The following MSRB2 variants were observed in gnomAD, a reference collection of about 807,000 sequenced individuals.
The protein encoded by MSRB2 is methionine-R-sulfoxide reductase B2, mitochondrial.
In MSRB2, 17 loss-of-function variants were observed where a neutral mutation model predicts 19.0. That is an observed-to-expected ratio of 0.89 (90% CI 0.61 to 1.34). MSRB2 has a LOEUF of 1.34. MSRB2 is among the 40% of genes most tolerant of loss of function. The pLI, the probability that MSRB2 is intolerant of heterozygous loss-of-function variation, is 0.00. For missense variants in MSRB2, 208 were observed against 237.6 expected (o/e 0.88, Z 0.82); for synonymous variants, 107 against 99.7 (o/e 1.07, Z -0.44).
intron 1 of MSRB2, among the ~76,000 whole-genome samples, chr10:23,101,107 C>A (rs1839921808): frequency 6.6e-6 from 1 of 152,144 alleles, no homozygotes; most frequent in Non-Finnish European, 1.5e-5. Flanking sequence ...GTACTCATCA[C>A]CCGAGCAGTG....
intron 1 of MSRB2, among the ~76,000 whole-genome samples, chr10:23,100,599 A>G (rs1322538112): frequency 6.6e-6 from 1 of 152,210 alleles, no homozygotes; most frequent in Non-Finnish European, 1.5e-5. Context: ...AAGCAAGCAC[A>G]TCTTACATGG....
At chr10:23,100,168 T>G (rs994926779) in intron 1 of MSRB2, among the ~76,000 whole-genome samples, 2 of 152,226 alleles carry the variant, frequency 1.3e-5, no homozygotes, top group Non-Finnish European at 2.9e-5. Context: ...GAGGGTGTTT[T>G]ATCATGATGC....
intron 1 of MSRB2, among the ~76,000 whole-genome samples, chr10:23,099,760 G>T (rs545000445): frequency 1.3e-5 from 2 of 152,308 alleles, no homozygotes; most frequent in Non-Finnish European, 2.9e-5. Context: ...GGAGAAGGTG[G>T]TGTCTGAAGA....
Position 23,120,739 on chromosome 10 carries a change from AG to A in MSRB2, c.445-17del. On this transcript the variant is annotated intron_variant, in intron 4 of 4. Transcript: ENST00000376510. ...CTTTGTTTGCATTTGGAGATGACAGAGGCTTCTGTCCTTTGCAGTGTGAAGC... is the reference window on the plus strand; with the variant it reads ...CTTTGTTTGCATTTGGAGATGACAGAGCTTCTGTCCTTTGCAGTGTGAAGC... 6.3e-7 allele frequency: 1 copy of A among 1,590,332 alleles called. No individual in the cohort carries two copies. The highest frequency in any genetic ancestry group is 8.6e-7 in the Non-Finnish European group (1 of 1,163,232).
At chr10:23,107,486 T>C (rs1385385781) in intron 2 of MSRB2, among the ~76,000 whole-genome samples, 2 of 152,228 alleles carry the variant, frequency 1.3e-5, no homozygotes, top group Non-Finnish European at 2.9e-5. Flanking sequence ...CATTTTTCTA[T>C]AATAAACAAC....
intron 1 of MSRB2, among the ~76,000 whole-genome samples, chr10:23,097,047 A>C (rs902238221): frequency 6.6e-6 from 1 of 152,236 alleles, no homozygotes; most frequent in African/African-American, 2.4e-5. Context: ...CTGGGAATCT[A>C]TTCGAAGGAA....
chr10:23,113,890 G>T (rs1010480585), intron 3 of MSRB2, among the ~76,000 whole-genome samples: 1 of 152,138 alleles, frequency 6.6e-6, no homozygotes, highest in African/African-American at 2.4e-5. Flanking sequence ...CTTGACTTTG[G>T]ACTTCTATCT....
At chr10:23,114,637 G>C (rs1309097733) in intron 3 of MSRB2, among the ~76,000 whole-genome samples, 1 of 152,220 alleles carries the variant, frequency 6.6e-6, no homozygotes, top group Non-Finnish European at 1.5e-5. Flanking sequence ...AGCAATGAAG[G>C]AGCCCTCTGG....
At position 23,120,793 on chromosome 10, in the gene MSRB2, A is replaced by C. The variant is rs1840173211; in HGVS notation, c.480A>C (p.Gly160=). ...EAHLGHVFPD[G]PGPNGQRFCI... The stretch of plus-strand genomic sequence containing the variant: ...ATCTAGGTCACGTGTTTCCTGATGG[A>C]CCTGGGCCCAATGGTCAGAGGTTTT... Residue 160 remains glycine, a synonymous_variant, in exon 5 of 5, where the codon GGA becomes GGC. Transcript: ENST00000376510. The C allele has an allele frequency of 6.2e-7, 1 of 1,614,022 alleles. No homozygotes were observed. The highest frequency in any genetic ancestry group is 1.3e-5 in the African/African-American group (1 of 74,902).
At chr10:23,117,633 CAG>C (rs1840126135) in intron 3 of MSRB2, among the ~76,000 whole-genome samples, 1 of 152,176 alleles carries the variant, frequency 6.6e-6, no homozygotes, top group Non-Finnish European at 1.5e-5. Flanking sequence ...TTTTTTGAGA[CAG>C]AGTCTCGCTC....
At chr10:23,109,347 C>T (rs1432137539) in intron 2 of MSRB2, among the ~76,000 whole-genome samples, 6 of 151,974 alleles carry the variant, frequency 3.9e-5, no homozygotes, top group Admixed American at 6.6e-5. Flanking sequence ...GTCAGGAGTT[C>T]GAGACCAGCC....
intron 1 of MSRB2, among the ~76,000 whole-genome samples, chr10:23,099,368 T>C (rs1564426915): frequency 6.6e-6 from 1 of 152,186 alleles, no homozygotes; most frequent in African/African-American, 2.4e-5. Context: ...AATTGGTGCT[T>C]GAACAAGAAC....
chr10:23,096,014 A>G (rs1839861052), intron 1 of MSRB2, among the ~76,000 whole-genome samples: 1 of 151,196 alleles, frequency 6.6e-6, no homozygotes, highest in African/African-American at 2.4e-5. Context: ...TGGGGGCATA[A>G]GTGGGGCTCG....
At chr10:23,106,429 T>G (rs551437033) in intron 2 of MSRB2, among the ~76,000 whole-genome samples, 1 of 152,296 alleles carries the variant, frequency 6.6e-6, no homozygotes, top group East Asian at 1.9e-4. Context: ...GAAAGTCAAG[T>G]ATCAATAGAA....
intron 3 of MSRB2, among the ~76,000 whole-genome samples, chr10:23,111,941 T>G (rs1359667078): frequency 6.6e-6 from 1 of 151,698 alleles, no homozygotes; most frequent in Non-Finnish European, 1.5e-5. Flanking sequence ...AATTTAAACT[T>G]AAATGTAATT....
At chr10:23,117,299 C>G (rs7904442) in intron 3 of MSRB2, among the ~76,000 whole-genome samples, 8 of 151,936 alleles carry the variant, frequency 5.3e-5, no homozygotes, top group South Asian at 2.1e-4. Flanking sequence ...CTGGGGGGGA[C>G]CTTTCTAGGG....
At position 23,119,313 on chromosome 10, in the gene MSRB2, A is replaced by G. The variant is rs1840153804; in HGVS notation, c.306A>G (p.Lys102=). ...CCDSPLFSSE[K]KYCSGTGWPS... The stretch of plus-strand genomic sequence containing the variant: ...TTTATGTCTTCCACAGTTCTGAGAA[A>G]AAGTACTGCTCTGGCACTGGGTGGC... Residue 102 remains lysine (K), a synonymous_variant, in exon 4 of 5, where the codon AAA becomes AAG. Coordinates refer to ENST00000376510, the MANE Select transcript of MSRB2 (RefSeq NM_012228.4). 1 of 1,613,968 alleles carries G rather than the reference A, an allele frequency of 6.2e-7. No homozygotes were observed. The highest frequency in any genetic ancestry group is 1.3e-5 in the African/African-American group (1 of 75,034).
chr10:23,106,631 G>C (rs558629715), intron 2 of MSRB2, among the ~76,000 whole-genome samples: 1 of 152,304 alleles, frequency 6.6e-6, no homozygotes, highest in Admixed American at 6.5e-5. Flanking sequence ...TCTCTCTGTG[G>C]GGCTGCAGGA....
intron 3 of MSRB2, among the ~76,000 whole-genome samples, chr10:23,110,827 A>C (rs45519331): frequency 3.9e-5 from 6 of 152,282 alleles, no homozygotes; most frequent in Non-Finnish European, 8.8e-5. Context: ...AAGTAAACTT[A>C]TTTGTCCCTT....
Sources: gnomAD v4.1 joint callset for allele counts (sites outside exome capture counted in the v4.1 genomes callset) on GRCh38, gnomAD v4.1.1 for gene constraint, MANE v1.5 for transcripts, NCBI Gene and HGNC (gene_info 2026-07-23, HGNC 2026-07-21) for gene names.